Variants in TXLNB observed in about 807,000 individuals in gnomAD.
TXLNB encodes the protein beta-taxilin.
A neutral mutation model predicts 57.4 loss-of-function variants in TXLNB; 37 were observed. The observed-to-expected ratio is 0.64, with a 90% CI of 0.50 to 0.85. The LOEUF is 0.85. TXLNB is among the 40% of genes least tolerant of loss of function. The pLI, the probability that TXLNB is intolerant of heterozygous loss-of-function variation, is 0.00. For synonymous variants in TXLNB, 302 were observed against 309.6 expected (o/e 0.98, Z 0.26); for missense variants, 848 against 825.6 (o/e 1.03, Z -0.33).
intron 8 of TXLNB, among the ~76,000 whole-genome samples, chr6:139,246,271 C>A (rs7772534): frequency 0.47 from 71,899 of 152,042 alleles, 20,102 homozygotes; most frequent in African/African-American, 0.79. Flanking sequence ...AAAAATTAAG[C>A]AAATGGATAG....
the TXLNB span, among the ~76,000 whole-genome samples, chr6:139,171,249 A>G: frequency 7.2e-5 from 11 of 152,138 alleles, no homozygotes; most frequent in African/African-American, 1.7e-4. Context: ...AGGAAGGAGG[A>G]TATGATAAAC....
At chr6:139,288,966 A>G (rs1777245108) in intron 1 of TXLNB, 53 bp from the exon 2 acceptor site, 2 of 1,303,894 alleles carry the variant, frequency 1.5e-6, no homozygotes, top group African/African-American at 2.9e-5. Context: ...GCTACATATC[A>G]ATGCTACATT....
the TXLNB span, among the ~76,000 whole-genome samples, chr6:139,311,943 T>C: frequency 1.3e-5 from 2 of 152,204 alleles, no homozygotes; most frequent in Non-Finnish European, 2.9e-5. Flanking sequence ...GACTGAACTC[T>C]AGTCTCTCTC....
chr6:139,200,683 G>T, the TXLNB span, among the ~76,000 whole-genome samples: 1 of 152,086 alleles, frequency 6.6e-6, no homozygotes, highest in Non-Finnish European at 1.5e-5. Flanking sequence ...AGGTTGGTGG[G>T]ATGTCTCCAT....
upstream of TXLNB, chr6:139,292,080 G>GCACACACACACACACA (rs754267593): frequency 7.1e-6 from 1 of 140,344 alleles, no homozygotes; most frequent in African/African-American, 2.9e-5. This position sits in a 1 kb window ranked among gnomAD's most constrained non-coding sequence, Gnocchi z 4.0. Context: ...GTGCACGCAC[G>GCACACACACACACACA]CGCGCGCACA....
chr6:139,277,146 A>G (rs1273779938), intron 2 of TXLNB: 1 of 430,420 alleles, frequency 2.3e-6, no homozygotes, highest in Non-Finnish European at 4.1e-6. Context: ...TTCATGGCAG[A>G]CTCTCAATAA....
chr6:139,293,336 C>T (rs1461099464), upstream of TXLNB, among the ~76,000 whole-genome samples: 1 of 152,102 alleles, frequency 6.6e-6, no homozygotes. Flanking sequence ...ATGATCCGCC[C>T]ACCTCGGCCT....
the TXLNB span, among the ~76,000 whole-genome samples, chr6:139,167,569 T>A: frequency 6.6e-6 from 1 of 152,160 alleles, no homozygotes. Context: ...GAAGAAAGGA[T>A]TGCCGGTGTA....
At chr6:139,216,097 C>G in the TXLNB span, among the ~76,000 whole-genome samples, 3 of 152,256 alleles carry the variant, frequency 2.0e-5, no homozygotes, top group Admixed American at 1.3e-4. Context: ...CTAGAAATAT[C>G]ATTTGACCCA....
At chr6:139,274,418 C>CTT (rs1466208904) in intron 3 of TXLNB, among the ~76,000 whole-genome samples, 1 of 152,118 alleles carries the variant, frequency 6.6e-6, no homozygotes, top group Admixed American at 6.5e-5. Flanking sequence ...CATAATTTTT[C>CTT]TTTTCTGAAA....
the TXLNB span, among the ~76,000 whole-genome samples, chr6:139,188,744 A>ATTTCTTTTTCTTTCTTTC: frequency 1.3e-5 from 2 of 149,840 alleles, no homozygotes; most frequent in African/African-American, 5.1e-5. Context: ...TGTTTTCCAG[A>ATTTCTTTTTCTTTCTTTC]TTTCTTTTTC....
chr6:139,220,415 C>T, the TXLNB span, among the ~76,000 whole-genome samples: 1 of 152,108 alleles, frequency 6.6e-6, no homozygotes, highest in Non-Finnish European at 1.5e-5. Context: ...TTGTTTTTTG[C>T]TAGTACTTTA....
the TXLNB span, chr6:139,166,276 T>TC: frequency 1.3e-6 from 2 of 1,580,356 alleles, no homozygotes; most frequent in Non-Finnish European, 1.7e-6. Flanking sequence ...TCTTTATTCC[T>TC]CCCCCAGAAG....
intron 2 of TXLNB, among the ~76,000 whole-genome samples, chr6:139,288,142 G>A (rs1305412439): frequency 6.6e-6 from 1 of 152,252 alleles, no homozygotes; most frequent in Admixed American, 6.5e-5. Flanking sequence ...AGAGTGTTCA[G>A]GAAGGTGATG....
At chr6:139,264,766 G>A (rs1776572343) in intron 4 of TXLNB, among the ~76,000 whole-genome samples, 1 of 151,998 alleles carries the variant, frequency 6.6e-6, no homozygotes, top group Non-Finnish European at 1.5e-5. Context: ...CACCATGTTG[G>A]CGAGGCTGGT....
the TXLNB span, among the ~76,000 whole-genome samples, chr6:139,203,909 G>T: frequency 6.6e-6 from 1 of 152,016 alleles, no homozygotes; most frequent in Non-Finnish European, 1.5e-5. Context: ...TCGGTGTTCT[G>T]GTATATGTAT....
At chr6:139,226,071 T>C in the TXLNB span, among the ~76,000 whole-genome samples, 4 of 151,350 alleles carry the variant, frequency 2.6e-5, no homozygotes, top group Admixed American at 1.3e-4. Context: ...GGCTGAGGCA[T>C]GTGGATCGCT....
chr6:139,194,509 A>G, the TXLNB span, among the ~76,000 whole-genome samples: 11 of 152,216 alleles, frequency 7.2e-5, no homozygotes, highest in African/African-American at 2.7e-4. Flanking sequence ...ATCATCCTAA[A>G]TTCTTCTTTT....
chr6:139,188,131 G>A, the TXLNB span, among the ~76,000 whole-genome samples: 96 of 152,264 alleles, frequency 6.3e-4, no homozygotes, highest in African/African-American at 2.2e-3. Flanking sequence ...AGAGGCTCCT[G>A]AAGAGTTCTC....
Sources: gnomAD v4.1 joint callset for allele counts (sites outside exome capture counted in the v4.1 genomes callset) on GRCh38, gnomAD v4.1.1 for gene constraint, Gnocchi (gnomAD v3.1) non-coding constraint, MANE v1.5 for transcripts, NCBI Gene and HGNC (gene_info 2026-07-23, HGNC 2026-07-21) for gene names.